The following ZRANB3 variants were observed in gnomAD, a reference collection of about 807,000 sequenced individuals.
ZRANB3 encodes DNA annealing helicase and endonuclease ZRANB3.
A neutral mutation model predicts 133.8 loss-of-function variants in ZRANB3; 125 were observed. The observed-to-expected ratio is 0.93, with a 90% CI of 0.81 to 1.08. ZRANB3 has a LOEUF of 1.08. Ranked by LOEUF, ZRANB3 falls within the 50% of genes least tolerant of loss-of-function variation. ZRANB3 has a pLI of 0.00. For synonymous variants in ZRANB3, 387 were observed against 432.7 expected, an observed-to-expected ratio of 0.89 and a Z score of 1.31; for missense variants, 1,229 against 1,275.5, an observed-to-expected ratio of 0.96 and a Z score of 0.56.
At chr2:135,407,365 A>G (rs964768775) in intron 2 of ZRANB3, among the ~76,000 whole-genome samples, 2 of 152,122 alleles carry the variant, frequency 1.3e-5, no homozygotes, top group African/African-American at 4.8e-5. Flanking sequence ...CATGGGTAGG[A>G]AGAATCAATA....
intron 2 of ZRANB3, among the ~76,000 whole-genome samples, chr2:135,420,602 G>C (rs1194496445): frequency 6.6e-6 from 1 of 152,122 alleles, no homozygotes; most frequent in Non-Finnish European, 1.5e-5. Context: ...TCCTACTTCT[G>C]AGGCTGAAGT....
intron 2 of ZRANB3, among the ~76,000 whole-genome samples, chr2:135,466,286 G>A (rs1690988748): frequency 1.3e-5 from 2 of 150,952 alleles, no homozygotes; most frequent in Middle Eastern, 3.4e-3. Flanking sequence ...AGGAGGCTGA[G>A]GCAGGAGAAT....
At chr2:135,232,419 C>A (rs1379803234) in intron 12 of ZRANB3, among the ~76,000 whole-genome samples, 1 of 152,208 alleles carries the variant, frequency 6.6e-6, no homozygotes, top group Non-Finnish European at 1.5e-5. Context: ...ACTTAAATGT[C>A]CCTGTCTGAC....
intron 6 of ZRANB3, among the ~76,000 whole-genome samples, chr2:135,317,082 G>GT (rs1235618136): frequency 6.7e-6 from 1 of 150,098 alleles, no homozygotes; most frequent in Non-Finnish European, 1.5e-5. Context: ...ATACCATTTA[G>GT]TTGTCATCAA....
intron 3 of ZRANB3, chr2:135,355,336 A>C: frequency 1.3e-6 from 1 of 799,040 alleles, no homozygotes; most frequent in Non-Finnish European, 1.5e-6. Context: ...GTTCCAATAC[A>C]GCAGAACTTT....
chr2:135,450,576 G>GTT (rs1459060459), intron 2 of ZRANB3, among the ~76,000 whole-genome samples: 1 of 152,054 alleles, frequency 6.6e-6, no homozygotes, highest in Non-Finnish European at 1.5e-5. Context: ...TATAGAAAGA[G>GTT]TTCTAGCCAA....
Position 135,208,886 on chromosome 2 carries a change from G to A in ZRANB3, c.2588C>T (p.Pro863Leu), listed in dbSNP as rs1266187886. Residue 863 changes from proline to leucine, a missense_variant, in exon 18 of 21, where the codon CCA (proline) becomes CTA (leucine). Pro to Leu is a moderately conservative substitution (Grantham distance 98, BLOSUM62 -3). Coordinates refer to ENST00000264159, the MANE Select transcript of ZRANB3 (RefSeq NM_032143.4). ...HVRLITKESR[P>L]RDPFTKKLLE... ...ACCTTACTTTGTGAAAGGATCCCGT[G>A]GCCTGGACTCCTTTGTGATCAGACG... 4.3e-6 allele frequency: 7 copies of A among 1,613,886 alleles called. No homozygotes were observed. The highest frequency in any genetic ancestry group is 4.2e-6 in the Non-Finnish European group (5 of 1,179,844).
intron 3 of ZRANB3, among the ~76,000 whole-genome samples, chr2:135,384,144 A>G (rs1197811342): frequency 6.6e-6 from 1 of 152,212 alleles, no homozygotes; most frequent in Non-Finnish European, 1.5e-5. Flanking sequence ...AGATGCAATA[A>G]AAAATGATAA....
At chr2:135,447,455 T>A (rs1448616990) in intron 2 of ZRANB3, among the ~76,000 whole-genome samples, 1 of 152,250 alleles carries the variant, frequency 6.6e-6, no homozygotes, top group Non-Finnish European at 1.5e-5. Context: ...ATGCTGTGGC[T>A]TTTCAGCATT....
intron 1 of ZRANB3, among the ~76,000 whole-genome samples, chr2:135,514,529 A>T (rs1693617158): frequency 6.6e-6 from 1 of 152,238 alleles, no homozygotes; most frequent in Non-Finnish European, 1.5e-5. Context: ...TATCAGCTTA[A>T]GAAGATTTTG....
rs1692307256 is a variant in ZRANB3 at position 135,490,112 on chromosome 2, C to T, written c.161+14217G>A. Among the ~76,000 whole-genome samples the T allele has an allele frequency of 2.0e-5, 3 of 152,172 alleles. No individual in the cohort carries two copies. In the South Asian group the frequency reaches 6.2e-4, roughly 31 times the overall value. ...GAAAAAAATCCAGTGAGTCCTCAGA[C>T]TAGTCTGTAGCAAACAGTGAGCACT... On this transcript the variant is annotated intron_variant, in intron 2 of 20. Transcript: ENST00000264159.
intron 2 of ZRANB3, among the ~76,000 whole-genome samples, chr2:135,408,165 G>A (rs1158112455): frequency 6.6e-5 from 10 of 151,856 alleles, no homozygotes; most frequent in Admixed American, 2.0e-4. Flanking sequence ...GTGGGCAAAG[G>A]ATATGAACAG....
rs115385989 is a variant in ZRANB3, at chr2:135,525,972, A to G, written c.-8+5155T>C. On this transcript the variant is annotated intron_variant, in intron 1 of 20. Coordinates refer to ENST00000264159, the MANE Select transcript of ZRANB3 (RefSeq NM_032143.4). ...TAGTGTACTACATGATTCCACTTAC[A>G]TGAGGTATCTAAAGTATGTAGTCAA... Among the ~76,000 whole-genome samples, 314 of 152,240 alleles carry G rather than the reference A, an allele frequency of 2.1e-3. 1 individual carries two copies. Among genetic ancestry groups the G allele is most frequent in the South Asian group, 8.3e-3 (40 of 4,830 alleles).
At chr2:135,499,495 A>G (rs759582680) in intron 2 of ZRANB3, among the ~76,000 whole-genome samples, 11 of 152,308 alleles carry the variant, frequency 7.2e-5, no homozygotes, top group Non-Finnish European at 1.2e-4. Context: ...GGACTCCTAC[A>G]AAACAATAAG....
At chr2:135,210,611 G>A (rs187944017) in intron 17 of ZRANB3, among the ~76,000 whole-genome samples, 45 of 152,166 alleles carry the variant, frequency 3.0e-4, no homozygotes, top group Non-Finnish European at 4.7e-4. Flanking sequence ...TTACAGGTGT[G>A]AGCCACCGTG....
chr2:135,234,573 A>T (rs1401456629), intron 12 of ZRANB3, among the ~76,000 whole-genome samples: 2 of 152,224 alleles, frequency 1.3e-5, no homozygotes, highest in African/African-American at 4.8e-5. Context: ...AAAGAACAGA[A>T]ATTATAACAA....
At chr2:135,499,943 A>G (rs1692860543) in intron 2 of ZRANB3, among the ~76,000 whole-genome samples, 1 of 152,182 alleles carries the variant, frequency 6.6e-6, no homozygotes, top group South Asian at 2.1e-4. Flanking sequence ...AATGTAACCA[A>G]TATGACTAGT....
At chr2:135,471,896 TTC>T (rs1691288013) in intron 2 of ZRANB3, among the ~76,000 whole-genome samples, 1 of 152,236 alleles carries the variant, frequency 6.6e-6, no homozygotes, top group Admixed American at 6.5e-5. Flanking sequence ...AATTATTATA[TTC>T]TGACATTTTC....
rs57535526 is a variant in ZRANB3, at chr2:135,326,338, C to T, written c.678-10808G>A. Among the ~76,000 whole-genome samples, 461 of 151,986 alleles carry T rather than the reference C, an allele frequency of 3.0e-3. 2 individuals are homozygous for T. The highest frequency in any genetic ancestry group is 0.01 in the African/African-American group (430 of 41,450). On this transcript the variant is annotated intron_variant, in intron 6 of 20. Coordinates refer to ENST00000264159, the MANE Select transcript of ZRANB3 (RefSeq NM_032143.4). ...TTAGTGGTGATTTGTGAAATTTTGG[C>T]GCACCCATCACCCAACCATTTACTG...
Sources: allele counts gnomAD v4.1 joint callset (sites outside exome capture counted in the v4.1 genomes callset), GRCh38; gene constraint gnomAD v4.1.1; transcripts MANE v1.5; gene names NCBI Gene and HGNC (gene_info 2026-07-23, HGNC 2026-07-21).